CERS3: variants seen among roughly 807,000 people sequenced by gnomAD.
CERS3 encodes LAG1 homolog, ceramide synthase 3.
Under a neutral mutation model 50.3 loss-of-function variants are expected in CERS3, and 33 were observed. The ratio of observed to expected loss-of-function variants is 0.66; its 90% CI spans 0.50 to 0.88. The LOEUF is 0.88. Ranked by LOEUF, CERS3 falls within the 40% of genes least tolerant of loss-of-function variation. The pLI is 0.00. For missense variants in CERS3, 470 were observed against 460.3 expected (o/e 1.02, Z -0.19); for synonymous variants, 176 against 155.2 (o/e 1.13, Z -0.99).
At position 100,472,845 on chromosome 15, in the gene CERS3, G is replaced by T. The variant is rs2035010564; in HGVS notation, c.738+79C>A. 1.9e-6 allele frequency: 3 copies of T among 1,549,020 alleles called. No individual in the cohort carries two copies. The Admixed American group carries it at 5.0e-5, about 26-fold the overall frequency. ...TCAGGACACAGAGCTCTGCTAAATTGCTCACAATTACTTCTGTGAGCAGTT... is the reference window on the plus strand; with the variant it reads ...TCAGGACACAGAGCTCTGCTAAATTTCTCACAATTACTTCTGTGAGCAGTT... On this transcript the variant is annotated intron_variant, in intron 9 of 11. Transcript: ENST00000679737.
intron 8 of CERS3, 149 bp downstream of exon 8, chr15:100,475,937 A>C (rs911987327): frequency 2.5e-6 from 1 of 395,118 alleles, no homozygotes; most frequent in Admixed American, 4.7e-5. Flanking sequence ...GAGTATAATT[A>C]GCAATATTTT....
rs374471175 is a variant in CERS3 at position 100,402,732 on chromosome 15, T to C, written c.1133A>G (p.Asn378Ser). ...TTCCAGCTAATGGCCATGCTGGCCA[T>C]TGGGAATGAGGTGCCTCTCAGCCCT... ...GLRAERHLIP[N>S]GQHGH The change falls in exon 12 of 12, where the codon AAT becomes AGT. Residue 378 changes from asparagine (N) to serine (S), a missense_variant. Coordinates refer to ENST00000679737, the MANE Select transcript of CERS3 (RefSeq NM_001378789.1). 11 of 1,614,054 alleles carry C rather than the reference T, an allele frequency of 6.8e-6. No homozygotes were observed. The highest frequency in any genetic ancestry group is 1.3e-5 in the African/African-American group (1 of 74,934).
chr15:100,455,887 C>T lies in CERS3; in HGVS notation c.999+6G>A, dbSNP rs777676664. On this transcript the variant is annotated splice_donor_region_variant and intron_variant, in intron 11 of 11. Transcript: ENST00000679737. ...TTAAGAGCAATAATATTTGGACAGC[C>T]CTTACCTTCATGAATATACATCTGT... 1.9e-6 allele frequency: 3 copies of T among 1,603,244 alleles called. No homozygotes were observed. In the Admixed American group the frequency reaches 5.1e-5, roughly 27 times the overall value.
intron 6 of CERS3, 77 bp downstream of exon 6, chr15:100,479,912 A>G (rs1596733797): frequency 7.8e-6 from 8 of 1,028,820 alleles, no homozygotes; most frequent in Non-Finnish European, 9.0e-6. Flanking sequence ...AAAGTACTAT[A>G]CCCTAAAGGA....
In CERS3 at chr15:100,411,899, T is replaced by C. The variant is rs1471905603; in HGVS notation, c.1000-9034A>G. 2.0e-5 allele frequency among the ~76,000 whole-genome samples: 3 copies of C among 152,224 alleles called. No homozygotes were observed. In the East Asian group the frequency reaches 5.8e-4, roughly 29 times the overall value. Reference sequence around the variant, plus strand: ...TTTTCATGTGCTTATTGGCCATTCATGTATCTTCTTCAGAGAAAGGTCTAT... The same window carrying C: ...TTTTCATGTGCTTATTGGCCATTCACGTATCTTCTTCAGAGAAAGGTCTAT... On this transcript the variant is annotated intron_variant, in intron 11 of 11. Coordinates refer to ENST00000679737, the MANE Select transcript of CERS3 (RefSeq NM_001378789.1).
chr15:100,442,745 G>T (rs970607458), intron 11 of CERS3, among the ~76,000 whole-genome samples: 1 of 152,214 alleles, frequency 6.6e-6, no homozygotes, highest in Non-Finnish European at 1.5e-5. Flanking sequence ...AGATCTTCTC[G>T]GCTTAGCAGC....
chr15:100,517,576 G>C (rs2036526726), intron 2 of CERS3, among the ~76,000 whole-genome samples: 1 of 152,174 alleles, frequency 6.6e-6, no homozygotes, highest in African/African-American at 2.4e-5. Context: ...TCTCTCTGTT[G>C]CCCACAGATA....
chr15:100,428,515 C>T (rs756814281), intron 11 of CERS3, among the ~76,000 whole-genome samples: 11 of 152,192 alleles, frequency 7.2e-5, no homozygotes, highest in Non-Finnish European at 1.3e-4. Flanking sequence ...CATTGTGGGA[C>T]GTCTAGCAGT....
At chr15:100,520,797 A>G (rs555227996) in intron 2 of CERS3, among the ~76,000 whole-genome samples, 119 of 152,172 alleles carry the variant, frequency 7.8e-4, no homozygotes, top group African/African-American at 2.7e-3. Context: ...GGAGGAGGGG[A>G]AGCTCTGTGT....
chr15:100,526,478 C>CTGTGTGTGTGTG (rs1217852084), intron 1 of CERS3, among the ~76,000 whole-genome samples: 29,981 of 131,308 alleles, frequency 0.23, 3,800 homozygotes, highest in East Asian at 0.34. Flanking sequence ...CCTACATAAA[C>CTGTGTGTGTGTG]TGTGTGTGTG....
intron 10 of CERS3, among the ~76,000 whole-genome samples, chr15:100,458,159 A>T (rs1596696068): frequency 6.6e-6 from 1 of 152,258 alleles, no homozygotes; most frequent in African/African-American, 2.4e-5. Flanking sequence ...AGTATGAAAT[A>T]GTTTCAAAAT....
chr15:100,496,684 G>C (rs72759152), intron 3 of CERS3, among the ~76,000 whole-genome samples: 6 of 152,016 alleles, frequency 3.9e-5, no homozygotes, highest in Non-Finnish European at 7.4e-5. Flanking sequence ...CAATAAAGCA[G>C]ATATTTTTAA....
chr15:100,512,747 A>C (rs1224817843), intron 2 of CERS3, among the ~76,000 whole-genome samples: 1 of 152,208 alleles, frequency 6.6e-6, no homozygotes, highest in Non-Finnish European at 1.5e-5. Flanking sequence ...AATACTAGAT[A>C]TCAAAGGCTG....
At chr15:100,444,251 C>T (rs1331385405) in intron 11 of CERS3, among the ~76,000 whole-genome samples, 1 of 152,190 alleles carries the variant, frequency 6.6e-6, no homozygotes, top group Non-Finnish European at 1.5e-5. Flanking sequence ...CTATTTTCTT[C>T]CTCACACCTG....
At chr15:100,483,787 A>ATTATTATTT (rs760594142) in intron 5 of CERS3, among the ~76,000 whole-genome samples, 17 of 100,022 alleles carry the variant, frequency 1.7e-4, no homozygotes, top group Admixed American at 3.7e-4. Flanking sequence ...TATTATTATT[A>ATTATTATTT]TTTTTTTTTT....
intron 11 of CERS3, among the ~76,000 whole-genome samples, chr15:100,440,741 C>A (rs1275826767): frequency 6.6e-6 from 1 of 152,246 alleles, no homozygotes; most frequent in African/African-American, 2.4e-5. Context: ...AAACATCTCA[C>A]CAATTTCAAA....
At chr15:100,483,116 T>C (rs72759133) in intron 5 of CERS3, among the ~76,000 whole-genome samples, 6,352 of 152,316 alleles carry the variant, frequency 0.042, 186 homozygotes, top group Non-Finnish European at 0.055. Flanking sequence ...TTTGGCAACC[T>C]GACCCATTCT....
intron 11 of CERS3, among the ~76,000 whole-genome samples, chr15:100,414,510 G>C (rs1237870828): frequency 3.3e-5 from 5 of 152,064 alleles, no homozygotes; most frequent in Admixed American, 3.3e-4. Context: ...GAGGAATCAT[G>C]CTACCTGAGT....
intron 11 of CERS3, among the ~76,000 whole-genome samples, chr15:100,404,578 C>G (rs2030836794): frequency 6.6e-6 from 1 of 152,156 alleles, no homozygotes; most frequent in Admixed American, 6.5e-5. Flanking sequence ...CCACGCAATA[C>G]TAATCAATGT....
Sources: gnomAD v4.1 joint callset for allele counts (sites outside exome capture counted in the v4.1 genomes callset) on GRCh38, gnomAD v4.1.1 for gene constraint, MANE v1.5 for transcripts, NCBI Gene and HGNC (gene_info 2026-07-23, HGNC 2026-07-21) for gene names.